The following ACSF2 variants were observed in gnomAD, a reference collection of about 807,000 sequenced individuals.
ACSF2 encodes medium-chain acyl-CoA ligase ACSF2, mitochondrial.
Under a neutral mutation model 79.3 loss-of-function variants are expected in ACSF2, and 52 were observed. The ratio of observed to expected loss-of-function variants is 0.66; its 90% CI spans 0.53 to 0.83. The LOEUF is 0.83. Among genes scored for constraint, ACSF2 ranks in the 40% least tolerant of loss-of-function variants. The pLI is 0.00. For missense variants in ACSF2, 661 were observed against 803.3 expected (o/e 0.82, Z 2.14); for synonymous variants, 283 against 312.6 (o/e 0.91, Z 1.00).
At chr17:50,444,613 G>C (rs1439893632) in intron 1 of ACSF2, among the ~76,000 whole-genome samples, 1 of 144,300 alleles carries the variant, frequency 6.9e-6, no homozygotes, top group Non-Finnish European at 1.5e-5. Context: ...ATCTTCCCCA[G>C]CCCCCGAGTT....
chr17:50,437,308 A>G (rs936716552), intron 1 of ACSF2, among the ~76,000 whole-genome samples: 1 of 152,248 alleles, frequency 6.6e-6, no homozygotes, highest in African/African-American at 2.4e-5. Flanking sequence ...AGCTATGAGT[A>G]CAGCATGTGA....
rs574755268 is a variant in ACSF2, at chr17:50,451,998, C to A, written c.129-8679C>A. Reference sequence around the variant, plus strand: ...GCAGTGAACACATTAGTTGCCAACACTGGAAAGTCAAGAGAATTCTTAAAA... The same window carrying A: ...GCAGTGAACACATTAGTTGCCAACAATGGAAAGTCAAGAGAATTCTTAAAA... On this transcript the variant is annotated intron_variant, in intron 1 of 15. Transcript: ENST00000300441. Among the ~76,000 whole-genome samples, 20 of 152,324 alleles carry A rather than the reference C, an allele frequency of 1.3e-4. No homozygotes were observed. The South Asian group carries it at 2.9e-3, about 22-fold the overall frequency.
At chr17:50,461,567 G>A in intron 3 of ACSF2, 66 bp from the exon 4 acceptor site, 3 of 1,607,362 alleles carry the variant, frequency 1.9e-6, no homozygotes, top group East Asian at 2.2e-5. Context: ...CCTCCTGGGG[G>A]CGGAGGGGCA....
chr17:50,462,161 G>T, intron 4 of ACSF2, 23 bp from the exon 5 acceptor site: 1 of 1,607,268 alleles, frequency 6.2e-7, no homozygotes, highest in South Asian at 1.1e-5. Context: ...GCTGACTGGA[G>T]GTGGGGGACT....
chr17:50,427,432 C>CT (rs1299276510), intron 1 of ACSF2, among the ~76,000 whole-genome samples: 1 of 152,122 alleles, frequency 6.6e-6, no homozygotes, highest in Non-Finnish European at 1.5e-5. Flanking sequence ...GCTGAGAAAA[C>CT]TAAGTGGATC....
chr17:50,468,986 C>T (rs2032953454), intron 10 of ACSF2: 1 of 1,365,084 alleles, frequency 7.3e-7, no homozygotes. Context: ...AACTCGCTCG[C>T]GCCCAGAGAT....
At chr17:50,442,067 G>A (rs1243773587) in intron 1 of ACSF2, among the ~76,000 whole-genome samples, 2 of 152,124 alleles carry the variant, frequency 1.3e-5, no homozygotes, top group Admixed American at 1.3e-4. Context: ...CACTTTGGGA[G>A]GCCCAGATGG....
In ACSF2 at chr17:50,474,271, T is replaced by C. The variant is rs754147154; in HGVS notation, c.1797+4T>C. On this transcript the variant is annotated splice_donor_region_variant and intron_variant, in intron 15 of 15. Coordinates refer to ENST00000300441, the MANE Select transcript of ACSF2 (RefSeq NM_025149.6). This position sits in a 1 kb window ranked among gnomAD's most constrained non-coding sequence, Gnocchi z 4.2. ...CCCCCTCACCATTTCAGGAAAGGTG[T>C]GTAAGGTGGAGGAGGCTGGGGAGGG... 3 of 1,614,012 alleles carry C rather than the reference T, an allele frequency of 1.9e-6. No homozygotes were observed. The highest frequency in any genetic ancestry group is 2.5e-6 in the Non-Finnish European group (3 of 1,180,008).
intron 1 of ACSF2, among the ~76,000 whole-genome samples, chr17:50,452,647 C>G (rs760559335): frequency 6.6e-6 from 1 of 150,856 alleles, no homozygotes; most frequent in Non-Finnish European, 1.5e-5. Context: ...CAAACCTGCA[C>G]GTTCTACACG....
chr17:50,429,668 C>T (rs7224302), intron 1 of ACSF2, among the ~76,000 whole-genome samples: 2,734 of 152,046 alleles, frequency 0.018, 83 homozygotes, highest in African/African-American at 0.062. Flanking sequence ...TACCGGTGTG[C>T]GCCACCCGCC....
chr17:50,452,511 G>A (rs915871809), intron 1 of ACSF2, among the ~76,000 whole-genome samples: 4 of 151,786 alleles, frequency 2.6e-5, no homozygotes, highest in African/African-American at 7.3e-5. Context: ...AAGAAGTGTC[G>A]GGTCGAGGGG....
chr17:50,442,660 C>T (rs2031017823), intron 1 of ACSF2, among the ~76,000 whole-genome samples: 1 of 151,936 alleles, frequency 6.6e-6, no homozygotes, highest in Non-Finnish European at 1.5e-5. Context: ...GAGACGGGGT[C>T]TCAATATGTT....
chr17:50,462,719 C>G, intron 6 of ACSF2, 134 bp downstream of exon 6: 2 of 1,073,184 alleles, frequency 1.9e-6, no homozygotes, highest in South Asian at 3.2e-5. Flanking sequence ...GCTGTCCTCT[C>G]TGCCCTGGAA....
chr17:50,467,228 T>C (rs1427115158), intron 10 of ACSF2, among the ~76,000 whole-genome samples: 2 of 152,120 alleles, frequency 1.3e-5, no homozygotes, highest in East Asian at 1.9e-4. Flanking sequence ...AGACAGGAGA[T>C]GGGTCTAGTG....
chr17:50,438,754 A>C (rs551277438), intron 1 of ACSF2, among the ~76,000 whole-genome samples: 2 of 151,602 alleles, frequency 1.3e-5, no homozygotes, highest in Non-Finnish European at 2.9e-5. Flanking sequence ...TTTAGTAGAC[A>C]TGGGGTTTCA....
chr17:50,462,080 G>C (rs533550431), intron 4 of ACSF2, 104 bp from the exon 5 acceptor site: 8 of 912,398 alleles, frequency 8.8e-6, no homozygotes, highest in Admixed American at 6.2e-5. Flanking sequence ...GTGTGTGTCA[G>C]AAGCGGGTGC....
intron 1 of ACSF2, chr17:50,426,756 C>T: frequency 1.2e-6 from 1 of 835,550 alleles, no homozygotes; most frequent in Non-Finnish European, 1.9e-6. Context: ...TGAGTTGGAA[C>T]CCCTTCATGG....
intron 10 of ACSF2, among the ~76,000 whole-genome samples, chr17:50,466,863 T>G (rs2032762716): frequency 6.6e-6 from 1 of 152,140 alleles, no homozygotes; most frequent in South Asian, 2.1e-4. Context: ...GAAAGACCAC[T>G]CTGGCACTGG....
At chr17:50,442,926 T>C (rs558540911) in intron 1 of ACSF2, among the ~76,000 whole-genome samples, 4 of 152,110 alleles carry the variant, frequency 2.6e-5, no homozygotes, top group Middle Eastern at 3.4e-3. Flanking sequence ...TTTTTTTTTT[T>C]CTGAGACGGA....
Sources: allele counts gnomAD v4.1 joint callset (sites outside exome capture counted in the v4.1 genomes callset), GRCh38; gene constraint gnomAD v4.1.1; non-coding constraint Gnocchi (gnomAD v3.1); transcripts MANE v1.5; gene names NCBI Gene and HGNC (gene_info 2026-07-23, HGNC 2026-07-21).